ADAM12: variants seen among roughly 807,000 people sequenced by gnomAD.
ADAM12 encodes the protein disintegrin and metalloproteinase domain-containing protein 12.
In ADAM12, 70 loss-of-function variants were observed where a neutral mutation model predicts 106.4. That is an observed-to-expected ratio of 0.66 (90% CI 0.54 to 0.80). The LOEUF (loss-of-function observed/expected upper bound fraction) is 0.80, where lower values mean the gene tolerates loss of function less well. Among genes scored for constraint, ADAM12 ranks in the 30% least tolerant of loss-of-function variants. ADAM12 has a pLI of 0.00. For synonymous variants in ADAM12, 420 were observed against 433.5 expected, an observed-to-expected ratio of 0.97 and a Z score of 0.39; for missense variants, 1,010 against 1,171.9, an observed-to-expected ratio of 0.86 and a Z score of 2.02.
At chr10:126,175,599 C>T (rs1005982786) in intron 3 of ADAM12, among the ~76,000 whole-genome samples, 2 of 152,126 alleles carry the variant, frequency 1.3e-5, no homozygotes, top group African/African-American at 2.4e-5. Flanking sequence ...CAAAAACAAT[C>T]GAGGAATGGT....
At chr10:126,198,614 C>G (rs565928542) in intron 3 of ADAM12, among the ~76,000 whole-genome samples, 407 of 152,326 alleles carry the variant, frequency 2.7e-3, no homozygotes, top group African/African-American at 9.3e-3. Context: ...CTGCTCCTAC[C>G]CAGCTGTGGG....
At chr10:126,235,585 G>A (rs747740301) in intron 3 of ADAM12, among the ~76,000 whole-genome samples, 41 of 152,226 alleles carry the variant, frequency 2.7e-4, no homozygotes, top group Middle Eastern at 6.8e-3. Flanking sequence ...TCACGGGGCT[G>A]TTGGAAAGGC....
In ADAM12 at chr10:126,288,420, C is replaced by T. The variant is rs116564563; in HGVS notation, c.187-9432G>A. ...CTCCTGCTCAGTTTATTTGGATCTT[C>T]GTGACAAAAAAAATCCAAAATAGGG... is the stretch of plus-strand genomic sequence containing the variant. On this transcript the variant is annotated intron_variant, in intron 2 of 22. Transcript: ENST00000448723. 5.3e-3 allele frequency among the ~76,000 whole-genome samples: 807 copies of T among 152,084 alleles called. 5 individuals carry two copies. The highest frequency in any genetic ancestry group is 0.018 in the African/African-American group (757 of 41,472).
intron 3 of ADAM12, among the ~76,000 whole-genome samples, chr10:126,179,579 C>A (rs2133780227): frequency 6.6e-6 from 1 of 152,286 alleles, no homozygotes; most frequent in South Asian, 2.1e-4. Context: ...ACAGGTACTA[C>A]CTGCCTGTCT....
intron 3 of ADAM12, among the ~76,000 whole-genome samples, chr10:126,179,062 A>C (rs187760921): frequency 5.3e-5 from 8 of 152,178 alleles, no homozygotes; most frequent in Admixed American, 5.2e-4. Flanking sequence ...AAAGAAAGAA[A>C]AAAAAAAGAA....
chr10:126,297,096 C>CAGT (rs1204937315), intron 2 of ADAM12, among the ~76,000 whole-genome samples: 3 of 152,196 alleles, frequency 2.0e-5, no homozygotes, highest in African/African-American at 7.2e-5. Context: ...AGTTTTCCTA[C>CAGT]TCCTTAAAAA....
chr10:126,202,144 G>C (rs1461347819), intron 3 of ADAM12, among the ~76,000 whole-genome samples: 1 of 152,178 alleles, frequency 6.6e-6, no homozygotes, highest in African/African-American at 2.4e-5. Flanking sequence ...TTCCACTGTG[G>C]CTGGAGATCC....
chr10:126,293,618 A>C (rs1437184394), intron 2 of ADAM12, among the ~76,000 whole-genome samples: 2 of 152,154 alleles, frequency 1.3e-5, no homozygotes, highest in African/African-American at 4.8e-5. Context: ...TCCCAAGTTC[A>C]AGCAATTCTC....
At chr10:126,273,982 C>G (rs1162557041) in intron 3 of ADAM12, among the ~76,000 whole-genome samples, 1 of 152,148 alleles carries the variant, frequency 6.6e-6, no homozygotes, top group African/African-American at 2.4e-5. Context: ...AGCCTGGGCT[C>G]CTAACTCCAA....
At chr10:126,033,407 C>G (rs1329838625) in intron 21 of ADAM12, among the ~76,000 whole-genome samples, 1 of 152,138 alleles carries the variant, frequency 6.6e-6, no homozygotes, top group Non-Finnish European at 1.5e-5. Context: ...CTGCTAAGTG[C>G]AACAAAAATG....
In ADAM12 at chr10:126,200,822, T is replaced by C. The variant is rs150363130; in HGVS notation, c.261-45517A>G. On this transcript the variant is annotated intron_variant, in intron 3 of 22. Coordinates refer to ENST00000448723, the MANE Select transcript of ADAM12 (RefSeq NM_001288973.2). ...CCCAGGATGTGGTTTGAGATGGACG[T>C]TGGAGAGTTGTTAGGACTTAGATTT... Among the ~76,000 whole-genome samples the C allele has an allele frequency of 1.4e-3, 207 of 145,772 alleles. 1 individual carries two copies. The highest frequency in any genetic ancestry group is 7.5e-3 in the East Asian group (32 of 4,266).
intron 10 of ADAM12, among the ~76,000 whole-genome samples, chr10:126,097,701 C>G (rs912659926): frequency 4.6e-5 from 7 of 152,156 alleles, no homozygotes; most frequent in African/African-American, 1.7e-4. Flanking sequence ...AGAGCAGGGA[C>G]AGCATAGGGT....
rs754717910 is a variant in ADAM12 at position 126,019,676 on chromosome 10, C to T, written c.2660+19G>A. 3.1e-6 allele frequency: 5 copies of T among 1,609,922 alleles called. No homozygotes were observed. Among genetic ancestry groups the T allele is most frequent in the Non-Finnish European group, 4.2e-6 (5 of 1,177,480 alleles). ...AGAGTTTGAGAGAGAAAGAGATGGG[C>T]ATGGCATGTCACACAAACCTGAGGG... is the stretch of plus-strand genomic sequence containing the variant. On this transcript the variant is annotated intron_variant, in intron 22 of 22. Coordinates refer to ENST00000448723, the MANE Select transcript of ADAM12 (RefSeq NM_001288973.2).
intron 11 of ADAM12, among the ~76,000 whole-genome samples, chr10:126,085,886 T>C (rs530371336): frequency 9.2e-5 from 14 of 152,314 alleles, no homozygotes; most frequent in Non-Finnish European, 1.8e-4. Flanking sequence ...ATTCCTGACC[T>C]TGTGGAGCTG....
intron 10 of ADAM12, among the ~76,000 whole-genome samples, chr10:126,095,451 G>A (rs1431666731): frequency 3.4e-5 from 5 of 146,324 alleles, no homozygotes; most frequent in East Asian, 2.1e-4. Context: ...GGAGAATGGC[G>A]TGAACCCGGG....
intron 21 of ADAM12, among the ~76,000 whole-genome samples, chr10:126,026,291 C>T (rs970727598): frequency 9.2e-5 from 14 of 152,150 alleles, no homozygotes; most frequent in Non-Finnish European, 2.1e-4. Flanking sequence ...GCTAACTATC[C>T]TAAATATGTG....
chr10:126,253,229 A>AT (rs368898462), intron 3 of ADAM12, among the ~76,000 whole-genome samples: 59 of 148,896 alleles, frequency 4.0e-4, no homozygotes, highest in African/African-American at 5.9e-4. Flanking sequence ...ATTTACTGCA[A>AT]TTTTTTTTTT....
At chr10:126,206,855 G>GC (rs1554986867) in intron 3 of ADAM12, among the ~76,000 whole-genome samples, 2,358 of 28,656 alleles carry the variant, frequency 0.082, 285 homozygotes, top group African/African-American at 0.13. Context: ...CATGTGTTGT[G>GC]GGGGCGGGGG....
At chr10:126,350,261 G>GA (rs1482975986) in intron 1 of ADAM12, among the ~76,000 whole-genome samples, 1 of 152,166 alleles carries the variant, frequency 6.6e-6, no homozygotes, top group East Asian at 1.9e-4. Flanking sequence ...GGGGAGCAAA[G>GA]AAATTGTCAA....
Sources: allele counts gnomAD v4.1 joint callset (sites outside exome capture counted in the v4.1 genomes callset), GRCh38; gene constraint gnomAD v4.1.1; transcripts MANE v1.5; gene names NCBI Gene and HGNC (gene_info 2026-07-23, HGNC 2026-07-21).